The following SLC37A1 variants were observed in gnomAD, a reference collection of about 807,000 sequenced individuals.
SLC37A1 encodes the protein solute carrier family 37 member 1, also known as glucose-6-phosphate exchanger SLC37A1.
SLC37A1 carries 49 observed loss-of-function variants against 75.3 expected under a neutral mutation model. That is an observed-to-expected ratio of 0.65 (90% CI 0.52 to 0.83). The LOEUF (loss-of-function observed/expected upper bound fraction) is 0.83. SLC37A1 is among the 40% of genes least tolerant of loss of function. SLC37A1 has a pLI of 0.00. For missense variants in SLC37A1, 566 were observed against 695.0 expected (o/e 0.81, Z 2.09); for synonymous variants, 268 against 292.1 (o/e 0.92, Z 0.84).
chr21:42,563,216 A>G (rs2055878176), intron 12 of SLC37A1, among the ~76,000 whole-genome samples: 1 of 152,188 alleles, frequency 6.6e-6, no homozygotes, highest in African/African-American at 2.4e-5. Context: ...CTGTGGTTGC[A>G]AAAGGGGTGA....
chr21:42,576,742 G>A (rs890791002), intron 18 of SLC37A1, among the ~76,000 whole-genome samples: 3 of 152,170 alleles, frequency 2.0e-5, no homozygotes, highest in African/African-American at 7.2e-5. Flanking sequence ...TGAAAAATGT[G>A]ATCTTTAGCC....
At position 42,545,236 on chromosome 21, in the gene SLC37A1, C is replaced by T. The variant is rs998721544; in HGVS notation, c.730+1634C>T. ...CTCTAGCCAAACAAAACCAAACTAC[C>T]AGAACCTCCTGCCCAGGGAATCTTT... On this transcript the variant is annotated intron_variant, in intron 8 of 19. Transcript: ENST00000352133. This position sits in a 1 kb window ranked among gnomAD's most constrained non-coding sequence, Gnocchi z 4.0. Among the ~76,000 whole-genome samples the T allele has an allele frequency of 2.0e-5, 3 of 152,026 alleles. No individual in the cohort carries two copies. The highest frequency in any genetic ancestry group is 2.0e-4 in the Admixed American group (3 of 15,266).
chr21:42,518,373 G>C lies in SLC37A1; in HGVS notation c.-82G>C. 6.4e-7 allele frequency: 1 copy of C among 1,561,700 alleles called. No homozygotes were observed. The highest frequency in any genetic ancestry group is 8.8e-7 in the Non-Finnish European group (1 of 1,133,458). On this transcript the variant is annotated 5_prime_UTR_variant, in exon 2 of 20. Coordinates refer to ENST00000352133, the MANE Select transcript of SLC37A1 (RefSeq NM_001320537.2). Reference sequence around the variant, plus strand: ...GTGGGAGCGGCAGGGGCAACAGAGAGAGGATCTGGAGCCAGGATTAATGAC... The same window carrying C: ...GTGGGAGCGGCAGGGGCAACAGAGACAGGATCTGGAGCCAGGATTAATGAC...
rs565247033 is a variant in SLC37A1 at position 42,534,880 on chromosome 21, C to A, written c.271+50C>A. Reference sequence around the variant, plus strand: ...GGAGCCGAAGCGGCTGTCCTTCCAGCCTTGCTATTAATCACTTTAGCAGCA... The same window carrying A: ...GGAGCCGAAGCGGCTGTCCTTCCAGACTTGCTATTAATCACTTTAGCAGCA... On this transcript the variant is annotated intron_variant, in intron 4 of 19. Coordinates refer to ENST00000352133, the MANE Select transcript of SLC37A1 (RefSeq NM_001320537.2). The A allele has an allele frequency of 2.7e-5, 43 of 1,590,356 alleles. No individual in the cohort carries two copies. The African/African-American group carries it at 4.0e-4, about 15-fold the overall frequency.
intron 18 of SLC37A1, among the ~76,000 whole-genome samples, chr21:42,577,882 C>G (rs1421936650): frequency 6.6e-6 from 1 of 152,144 alleles, no homozygotes; most frequent in African/African-American, 2.4e-5. Context: ...TAAATAATAA[C>G]CAGAGGAAGC....
chr21:42,510,229 T>G (rs1220858691), upstream of SLC37A1, among the ~76,000 whole-genome samples: 1 of 152,308 alleles, frequency 6.6e-6, no homozygotes, highest in East Asian at 1.9e-4. Flanking sequence ...GGTTTCACCA[T>G]GTTGGCCAGG....
At chr21:42,555,757 G>A (rs1422633280) in intron 10 of SLC37A1, among the ~76,000 whole-genome samples, 3 of 152,110 alleles carry the variant, frequency 2.0e-5, no homozygotes, top group Non-Finnish European at 2.9e-5. Context: ...TTCCTTTTCC[G>A]GCCCTCTAAG....
chr21:42,509,209 A>G (rs1601649660), upstream of SLC37A1: 1 of 152,228 alleles, frequency 6.6e-6, no homozygotes, highest in Non-Finnish European at 1.5e-5. The surrounding 1 kb of genome is among the most constrained non-coding windows in gnomAD (Gnocchi z 4.2). Context: ...TCTAAATAAT[A>G]TGAGTAAACT....
At chr21:42,577,662 TAAATACAG>T (rs1010892728) in intron 18 of SLC37A1, among the ~76,000 whole-genome samples, 1 of 151,972 alleles carries the variant, frequency 6.6e-6, no homozygotes, top group Non-Finnish European at 1.5e-5. Context: ...AAAAACAGGG[TAAATACAG>T]AAATACAGAG....
chr21:42,538,223 T>G (rs1034999352), intron 5 of SLC37A1, among the ~76,000 whole-genome samples: 11 of 152,230 alleles, frequency 7.2e-5, no homozygotes, highest in African/African-American at 2.7e-4. Context: ...TCCTGGTCTC[T>G]GAAGTGGGCA....
chr21:42,536,166 G>A (rs1036390537), intron 5 of SLC37A1, among the ~76,000 whole-genome samples: 3 of 152,210 alleles, frequency 2.0e-5, no homozygotes, highest in East Asian at 1.9e-4. Context: ...ACTCCAGAGA[G>A]ACACCAGCTG....
At chr21:42,564,621 C>T (rs995349851) in intron 13 of SLC37A1, 87 bp from the exon 14 acceptor site, 25 of 1,049,620 alleles carry the variant, frequency 2.4e-5, no homozygotes, top group Middle Eastern at 2.1e-4. Context: ...AGGAGGAGGC[C>T]GTTCTCCGAG....
At chr21:42,555,334 T>G (rs917595284) in intron 10 of SLC37A1, among the ~76,000 whole-genome samples, 1 of 152,210 alleles carries the variant, frequency 6.6e-6, no homozygotes, top group Non-Finnish European at 1.5e-5. Context: ...GCCTCTCCTC[T>G]GTCAGAAAGA....
At chr21:42,530,979 G>A (rs981775225) in intron 3 of SLC37A1, among the ~76,000 whole-genome samples, 1 of 152,192 alleles carries the variant, frequency 6.6e-6, no homozygotes, top group Non-Finnish European at 1.5e-5. Context: ...GAATGTTTGT[G>A]CCTAAATGAC....
intron 3 of SLC37A1, among the ~76,000 whole-genome samples, chr21:42,533,202 A>G (rs887901097): frequency 2.0e-5 from 3 of 151,738 alleles, no homozygotes; most frequent in African/African-American, 7.3e-5. Context: ...TGCCCTCCAG[A>G]CCCCTGGCCT....
chr21:42,519,390 G>A (rs1382007043), intron 2 of SLC37A1, among the ~76,000 whole-genome samples: 1 of 152,156 alleles, frequency 6.6e-6, no homozygotes, highest in East Asian at 1.9e-4. Context: ...GTAGTTTTGT[G>A]ATCATTCCTG....
chr21:42,558,647 A>G (rs751258566), intron 10 of SLC37A1, among the ~76,000 whole-genome samples: 1 of 151,968 alleles, frequency 6.6e-6, no homozygotes, highest in Non-Finnish European at 1.5e-5. Context: ...TGAATTTTCT[A>G]TTTTTTCTCA....
rs562508265 is a variant in SLC37A1 at position 42,568,039 on chromosome 21, G to A, written c.1345-321G>A. ...GGCGCAGCTCAGGGCAGGGGCGCGC[G>A]TTGCGCACCTTCACGCCTCTCACGC... On this transcript the variant is annotated intron_variant, in intron 16 of 19. Coordinates refer to ENST00000352133, the MANE Select transcript of SLC37A1 (RefSeq NM_001320537.2). 2.6e-4 allele frequency among the ~76,000 whole-genome samples: 40 copies of A among 152,402 alleles called. 1 individual carries two copies. In the South Asian group the frequency reaches 6.8e-3, roughly 26 times the overall value.
chr21:42,501,426 C>T (rs1303891236), intron 1 of SLC37A1, among the ~76,000 whole-genome samples: 3 of 152,050 alleles, frequency 2.0e-5, no homozygotes, highest in Admixed American at 6.6e-5. Flanking sequence ...AAAAATTTAC[C>T]AGGGCCGGGA....
Sources: allele counts gnomAD v4.1 joint callset (sites outside exome capture counted in the v4.1 genomes callset), GRCh38; gene constraint gnomAD v4.1.1; non-coding constraint Gnocchi (gnomAD v3.1); transcripts MANE v1.5; gene names NCBI Gene and HGNC (gene_info 2026-07-23, HGNC 2026-07-21).